STK32C: variants seen among roughly 807,000 people sequenced by gnomAD.
The protein encoded by STK32C is serine/threonine-protein kinase 32C.
In STK32C, 31 loss-of-function variants were observed where a neutral mutation model predicts 56.5. That is an observed-to-expected ratio of 0.55 (90% CI 0.41 to 0.74). The LOEUF (loss-of-function observed/expected upper bound fraction) is 0.74. Ranked by LOEUF, STK32C falls within the 30% of genes least tolerant of loss-of-function variation. STK32C has a pLI of 0.00. For missense variants in STK32C, 544 were observed against 676.9 expected (o/e 0.80, Z 2.18); for synonymous variants, 309 against 289.4 (o/e 1.07, Z -0.69).
At chr10:132,273,300 T>C (rs775705073) in intron 1 of STK32C, among the ~76,000 whole-genome samples, 4 of 152,000 alleles carry the variant, frequency 2.6e-5, no homozygotes, top group Admixed American at 6.6e-5. Flanking sequence ...AAAGGTCCTG[T>C]GAACGGGCTC....
At chr10:132,302,136 T>G (rs1296268761) in intron 1 of STK32C, among the ~76,000 whole-genome samples, 3 of 152,192 alleles carry the variant, frequency 2.0e-5, no homozygotes, top group Non-Finnish European at 4.4e-5. Context: ...GAAGAAACAC[T>G]TGTCTGTGAC....
Position 132,207,917 on chromosome 10 carries a change from G to A in STK32C, c.*93C>T, listed in dbSNP as rs2062149197. On this transcript the variant is annotated 3_prime_UTR_variant, in exon 12 of 12. Coordinates refer to ENST00000298630, the MANE Select transcript of STK32C (RefSeq NM_173575.4). The stretch of plus-strand genomic sequence containing the variant: ...TGGGCACCGCCAGCCAGGCTGGGTG[G>A]GAACGTGAATGCCAGGCCTCGGCCC... The A allele has an allele frequency of 1.6e-6, 2 of 1,236,444 alleles. No individual in the cohort carries two copies. Among genetic ancestry groups the A allele is most frequent in the African/African-American group, 3.1e-5 (2 of 64,436 alleles). The allele number at this position is 1,236,444 out of a possible 1,614,324, so 76.6% of individuals were successfully genotyped here. A position where few individuals can be genotyped will look rare whatever the true frequency, so the allele number is the denominator to read the frequency against.
At chr10:132,298,455 G>A (rs76962512) in intron 1 of STK32C, among the ~76,000 whole-genome samples, 6,668 of 152,294 alleles carry the variant, frequency 0.044, 180 homozygotes, top group African/African-American at 0.061. Flanking sequence ...CAGGTCCCAC[G>A]GCAGCCCCTT....
chr10:132,331,235 G>C (rs76805118), intron 1 of STK32C, among the ~76,000 whole-genome samples: 2 of 141,770 alleles, frequency 1.4e-5, no homozygotes, highest in Non-Finnish European at 3.1e-5. Context: ...GTGAAATCAT[G>C]GCAGACTCCA....
At position 132,225,558 on chromosome 10, in the gene STK32C, C is replaced by A; in HGVS notation, c.741G>T (p.Ala247=). ...ACGGCTTGGTGCCTGCTAATGCCGT[C>A]GCCCGCTCCCCGTCCTTGATGATGG... ...IATIIKDGER[A]TALAGTKPYM... The change falls in exon 6 of 12, where the codon GCG becomes GCT. Residue 247 remains alanine, a synonymous_variant. Transcript: ENST00000298630. 1.9e-6 allele frequency: 3 copies of A among 1,613,848 alleles called. No individual in the cohort carries two copies. The highest frequency in any genetic ancestry group is 2.5e-6 in the Non-Finnish European group (3 of 1,180,016).
intron 1 of STK32C, among the ~76,000 whole-genome samples, chr10:132,299,466 C>T (rs1377752694): frequency 5.3e-5 from 8 of 152,056 alleles, no homozygotes; most frequent in Non-Finnish European, 8.8e-5. Context: ...CAGGACGAGA[C>T]CCAGCAGCAT....
rs1040115107 is a variant in STK32C at position 132,208,107 on chromosome 10, G to C, written c.1364C>G (p.Pro455Arg). ...AGGCTCCGCAGCATCCCTGGACTCA[G>C]GGGCGGGGAGAGGCTCCCTCGGGAG... ...QDLPREPLPA[P>R]ESRDAAEPVE... is the part of the protein sequence containing the mutation. Residue 455 changes from proline (P) to arginine (R), a missense_variant, in exon 12 of 12, where the codon CCT becomes CGT. Coordinates refer to ENST00000298630, the MANE Select transcript of STK32C (RefSeq NM_173575.4). 3 of 1,311,060 alleles carry C rather than the reference G, an allele frequency of 2.3e-6. No individual in the cohort carries two copies. The Admixed American group carries it at 9.2e-5, about 40-fold the overall frequency. The allele number at this position is 1,311,060 out of a possible 1,614,324, so 81.2% of individuals were successfully genotyped here. A position where few individuals can be genotyped will look rare whatever the true frequency, so the allele number is the denominator to read the frequency against.
At chr10:132,292,056 T>G (rs942820534) in intron 1 of STK32C, among the ~76,000 whole-genome samples, 2 of 152,090 alleles carry the variant, frequency 1.3e-5, no homozygotes, top group Non-Finnish European at 2.9e-5. Flanking sequence ...CCAAGGCTCC[T>G]ACAGGGACTG....
chr10:132,324,509 G>C (rs2066461905), intron 1 of STK32C: 2 of 578,628 alleles, frequency 3.5e-6, no homozygotes, highest in East Asian at 5.5e-5. Context: ...TCAGCTGCCA[G>C]GGGCATTTTG....
At chr10:132,294,328 G>C (rs2065670044) in intron 1 of STK32C, among the ~76,000 whole-genome samples, 1 of 152,186 alleles carries the variant, frequency 6.6e-6, no homozygotes, top group Non-Finnish European at 1.5e-5. Context: ...GGAAGGCTGG[G>C]AACAGAGCAC....
At chr10:132,330,416 T>C (rs1294881300) in intron 1 of STK32C, 19 of 716,932 alleles carry the variant, frequency 2.7e-5, no homozygotes, top group Non-Finnish European at 4.9e-5. Flanking sequence ...CTCCTCATTC[T>C]CTCCTTGCTC....
exon 1 of STK32C, chr10:132,331,580 G>A: frequency 6.2e-7 from 1 of 1,612,916 alleles, no homozygotes; most frequent in Non-Finnish European, 8.5e-7. Flanking sequence ...GCTCCAGGAA[G>A]CCCCAGGAGA....
chr10:132,264,454 G>A (rs1272520611), intron 1 of STK32C, among the ~76,000 whole-genome samples: 1 of 152,118 alleles, frequency 6.6e-6, no homozygotes, highest in Non-Finnish European at 1.5e-5. Context: ...GGGAGCTGGG[G>A]ACCTTGAGGA....
intron 10 of STK32C, among the ~76,000 whole-genome samples, chr10:132,219,873 G>T (rs1423305958): frequency 6.6e-6 from 1 of 152,158 alleles, no homozygotes; most frequent in Non-Finnish European, 1.5e-5. Context: ...GTCTGAGGAG[G>T]CTGCACGGGG....
intron 1 of STK32C, 23 bp from the exon 2 acceptor site, chr10:132,245,978 A>C (rs777390399): frequency 4.3e-6 from 7 of 1,612,798 alleles, no homozygotes; most frequent in Non-Finnish European, 5.9e-6. Context: ...ACAGAGGGAC[A>C]CCTGGTGAGG....
At chr10:132,276,152 G>A (rs1190412953) in intron 1 of STK32C, among the ~76,000 whole-genome samples, 1 of 152,080 alleles carries the variant, frequency 6.6e-6, no homozygotes, top group African/African-American at 2.4e-5. Context: ...AGCAATTTTC[G>A]AGTCCACACA....
intron 1 of STK32C, among the ~76,000 whole-genome samples, chr10:132,326,900 C>T (rs1008942728): frequency 6.6e-6 from 1 of 152,122 alleles, no homozygotes; most frequent in Non-Finnish European, 1.5e-5. Flanking sequence ...TTTTGGTTTA[C>T]AATGTAGAAG....
chr10:132,222,968 C>T lies in STK32C; in HGVS notation c.1012G>A (p.Glu338Lys). The stretch of plus-strand genomic sequence containing the variant: ...TCCTGGAGGCTGGAGAGCCGGTGCT[C>T]GGGGTTCACAGTGAGGAGCTGCAAC... Reference protein sequence around the residue: ...LLRKLLTVNPEHRLSSLQDVQ... With the variant: ...LLRKLLTVNPKHRLSSLQDVQ... The change falls in exon 9 of 12, where the codon GAG (glutamate) becomes AAG (lysine). Residue 338 changes from glutamate (E) to lysine (K), a missense_variant. Physicochemically the swap from Glu to Lys is moderately conservative, Grantham distance 56. This residue lies in a region of STK32C where 277 missense variants were observed against 309.3 expected (regional missense o/e 0.90). Transcript: ENST00000298630. 5 of 1,550,418 alleles carry T rather than the reference C, an allele frequency of 3.2e-6. No individual in the cohort carries two copies. The highest frequency in any genetic ancestry group is 2.4e-5 in the East Asian group (1 of 41,440).
chr10:132,300,722 G>A (rs1184185025), intron 1 of STK32C, among the ~76,000 whole-genome samples: 1 of 152,212 alleles, frequency 6.6e-6, no homozygotes, highest in Non-Finnish European at 1.5e-5. Context: ...CAGGAGACCT[G>A]TAAGGAAGCG....
Sources: gnomAD v4.1 joint callset for allele counts (sites outside exome capture counted in the v4.1 genomes callset) on GRCh38, gnomAD v4.1.1 for gene constraint, gnomAD v4.1.1 regional missense constraint, MANE v1.5 for transcripts, NCBI Gene and HGNC (gene_info 2026-07-23, HGNC 2026-07-21) for gene names.